ZFHX3: variants seen among roughly 807,000 people sequenced by gnomAD.
The protein encoded by ZFHX3 is zinc finger homeobox protein 3.
Under a neutral mutation model 279.1 loss-of-function variants are expected in ZFHX3, and 42 were observed. That is an observed-to-expected ratio of 0.15 (90% CI 0.12 to 0.19). The LOEUF (loss-of-function observed/expected upper bound fraction) is 0.19, where lower values mean the gene tolerates loss of function less well. ZFHX3 is among the 10% of genes least tolerant of loss of function. ZFHX3 has a pLI of 1.00. For missense variants in ZFHX3, 4,981 were observed against 4,754.0 expected (o/e 1.05, Z -1.40); for synonymous variants, 2,293 against 1,957.8 (o/e 1.17, Z -4.52).
chr16:73,880,550 G>A (rs532001127), intron 1 of ZFHX3, among the ~76,000 whole-genome samples: 2 of 152,250 alleles, frequency 1.3e-5, no homozygotes, highest in South Asian at 2.1e-4. Context: ...GGAGACACAG[G>A]CCTTATATTC....
chr16:73,655,593 A>G (rs1024810058), intron 2 of ZFHX3, among the ~76,000 whole-genome samples: 1 of 152,280 alleles, frequency 6.6e-6, no homozygotes. Flanking sequence ...ATACATGAAA[A>G]TACAAACAAT....
At position 73,078,517 on chromosome 16, in the gene ZFHX3, C is replaced by A. The variant is rs1418875971; in HGVS notation, c.-533+14718G>T. ...GCTTGGTATTTACCAATCTCGTGAG[C>A]CTGAAATTTAAGTTCCTTTATCCTT... On this transcript the variant is annotated intron_variant, in intron 8 of 17. Transcript: ENST00000641206. Among the ~76,000 whole-genome samples the A allele has an allele frequency of 3.3e-5, 5 of 152,192 alleles. No individual in the cohort carries two copies. In the South Asian group the frequency reaches 8.3e-4, roughly 25 times the overall value.
intron 3 of ZFHX3, among the ~76,000 whole-genome samples, chr16:73,394,079 G>A (rs747401960): frequency 1.5e-4 from 22 of 149,900 alleles, no homozygotes; most frequent in South Asian, 1.3e-3. Context: ...AATTCCTATC[G>A]AAATGGATCC....
intron 3 of ZFHX3, among the ~76,000 whole-genome samples, chr16:73,417,566 C>A (rs564442431): frequency 2.0e-5 from 3 of 151,640 alleles, no homozygotes; most frequent in South Asian, 2.1e-4. Context: ...CCACAGTTAT[C>A]TAGGATTTTT....
chr16:73,056,237 C>G (rs372121828), intron 1 of ZFHX3, among the ~76,000 whole-genome samples: 101 of 152,180 alleles, frequency 6.6e-4, no homozygotes, highest in Non-Finnish European at 1.3e-3. Flanking sequence ...ATGGATTCAC[C>G]TACCACCAAG....
intron 8 of ZFHX3, among the ~76,000 whole-genome samples, chr16:73,068,569 C>G (rs1597146247): frequency 6.6e-6 from 1 of 152,190 alleles, no homozygotes; most frequent in East Asian, 1.9e-4. Context: ...GGTTTTCCAG[C>G]CTCGGCTGGC....
At chr16:73,156,233 A>C (rs1167615551) in intron 5 of ZFHX3, among the ~76,000 whole-genome samples, 5 of 53,610 alleles carry the variant, frequency 9.3e-5, no homozygotes, top group African/African-American at 5.3e-4. Context: ...CTCCCTCTCA[A>C]AAAAAAAAAA....
chr16:73,732,724 T>A (rs1445095396), intron 1 of ZFHX3, among the ~76,000 whole-genome samples: 4 of 152,206 alleles, frequency 2.6e-5, no homozygotes, highest in Non-Finnish European at 5.9e-5. Context: ...CTTATGCCTC[T>A]CTTTAAAGGA....
At chr16:72,982,198 A>C (rs1237526205) in intron 1 of ZFHX3, among the ~76,000 whole-genome samples, 1 of 152,080 alleles carries the variant, frequency 6.6e-6, no homozygotes, top group Non-Finnish European at 1.5e-5. Flanking sequence ...ACACATTTTC[A>C]AACACTCTCA....
chr16:73,568,176 T>C (rs1442687530), intron 2 of ZFHX3, among the ~76,000 whole-genome samples: 1 of 152,182 alleles, frequency 6.6e-6, no homozygotes, highest in Non-Finnish European at 1.5e-5. Flanking sequence ...CTAAATTCCT[T>C]TACGTTTGTT....
chr16:73,582,208 C>T (rs1455236194), intron 2 of ZFHX3, among the ~76,000 whole-genome samples: 14 of 151,774 alleles, frequency 9.2e-5, no homozygotes, highest in East Asian at 3.9e-4. Context: ...GCACAAAACA[C>T]GACAGGCAAG....
At chr16:73,845,797 A>C (rs1203343875) in intron 1 of ZFHX3, among the ~76,000 whole-genome samples, 2 of 152,188 alleles carry the variant, frequency 1.3e-5, no homozygotes, top group Non-Finnish European at 2.9e-5. Flanking sequence ...CTGATTTTGA[A>C]AAAGATGCCA....
At position 72,809,881 on chromosome 16, in the gene ZFHX3, CT is replaced by C. The variant is rs35871614; in HGVS notation, c.3864+1695del. 1.8e-3 allele frequency: 236 copies of C among 134,438 alleles called. 1 individual carries two copies. Among genetic ancestry groups the C allele is most frequent in the African/African-American group, 2.7e-3 (99 of 36,312 alleles). 8.3% of individuals were successfully genotyped at this position (134,438 alleles called of 1,614,324 possible). The stretch of plus-strand genomic sequence containing the variant: ...TTTTCCTCTAATGATCAGGAAAGGG[CT>C]TTTTTTTTTTTTTTTGAGACGGAAT... On this transcript the variant is annotated intron_variant, in intron 7 of 9. Transcript: ENST00000268489.
At chr16:72,907,593 GT>G (rs2039212472) in intron 3 of ZFHX3, among the ~76,000 whole-genome samples, 1 of 144,570 alleles carries the variant, frequency 6.9e-6, no homozygotes, top group African/African-American at 2.6e-5. Context: ...GTGTGTGTGT[GT>G]GTGTGTGTGT....
At chr16:73,519,410 C>T (rs2019575570) in intron 2 of ZFHX3, among the ~76,000 whole-genome samples, 1 of 151,954 alleles carries the variant, frequency 6.6e-6, no homozygotes, top group Admixed American at 6.6e-5. Context: ...TTATTATCTG[C>T]CTTGTTTTTT....
chr16:73,025,034 A>G (rs1372775752), intron 1 of ZFHX3, among the ~76,000 whole-genome samples: 1 of 152,204 alleles, frequency 6.6e-6, no homozygotes, highest in Non-Finnish European at 1.5e-5. Context: ...CTCCGCATGT[A>G]TCCATTATAA....
At chr16:73,329,200 T>G (rs1233172067) in intron 3 of ZFHX3, among the ~76,000 whole-genome samples, 1 of 152,222 alleles carries the variant, frequency 6.6e-6, no homozygotes, top group Non-Finnish European at 1.5e-5. Context: ...CGAACCAGAT[T>G]CACCTCTGGT....
upstream of ZFHX3, among the ~76,000 whole-genome samples, chr16:73,048,948 A>G (rs1965398749): frequency 6.6e-6 from 1 of 152,210 alleles, no homozygotes; most frequent in African/African-American, 2.4e-5. Context: ...GCCTCACCTT[A>G]TAAAGCCACA....
chr16:73,768,614 T>C (rs988487680), intron 1 of ZFHX3, among the ~76,000 whole-genome samples: 14 of 152,190 alleles, frequency 9.2e-5, no homozygotes, highest in Non-Finnish European at 1.3e-4. Context: ...CATAACCTTG[T>C]TCTTGTCTGT....
Sources: allele counts gnomAD v4.1 joint callset (sites outside exome capture counted in the v4.1 genomes callset), GRCh38; gene constraint gnomAD v4.1.1; transcripts MANE v1.5; gene names NCBI Gene and HGNC (gene_info 2026-07-23, HGNC 2026-07-21).